AP3B2: variants seen among roughly 807,000 people sequenced by gnomAD.
The protein encoded by AP3B2 is adaptor related protein complex 3 subunit beta 2.
A neutral mutation model predicts 126.9 loss-of-function variants in AP3B2; 50 were observed. That is an observed-to-expected ratio of 0.39 (90% confidence interval 0.31 to 0.50). The LOEUF is 0.50. AP3B2 is among the 20% of genes least tolerant of loss of function. AP3B2 has a pLI of 0.79. For missense variants in AP3B2, 1,177 were observed against 1,426.4 expected (o/e 0.83, Z 2.82); for synonymous variants, 541 against 565.0 (o/e 0.96, Z 0.60).
intron 1 of AP3B2, among the ~76,000 whole-genome samples, chr15:82,699,052 C>T (rs1367804533): frequency 6.6e-6 from 1 of 152,194 alleles, no homozygotes; most frequent in Non-Finnish European, 1.5e-5. Context: ...TAAGGCACAA[C>T]ACCCTAAGGC....
intron 14 of AP3B2, among the ~76,000 whole-genome samples, chr15:82,672,474 G>C (rs2048174240): frequency 6.6e-6 from 1 of 152,094 alleles, no homozygotes; most frequent in South Asian, 2.1e-4. Context: ...AGGGTAGTGG[G>C]TGGGGGAAGT....
In AP3B2 at chr15:82,692,003, T is replaced by C; in HGVS notation, c.114-2550A>G. On this transcript the variant is annotated intron_variant, in intron 1 of 26. Coordinates refer to ENST00000535359, the MANE Select transcript of AP3B2 (RefSeq NM_001278512.2). ...GACATCCCCAACTTCTCGCATGTGA[T>C]CCTTCAGGTCCTGCCAGCTGCCTGA... 3 of 1,456,806 alleles carry C rather than the reference T, an allele frequency of 2.1e-6. No individual in the cohort carries two copies. In the African/African-American group the frequency reaches 4.2e-5, roughly 20 times the overall value. 90.2% of individuals were successfully genotyped at this position (1,456,806 alleles called of 1,614,324 possible). A position where few individuals can be genotyped will look rare whatever the true frequency, so the allele number is the denominator to read the frequency against.
Position 82,659,715 on chromosome 15 carries a change from G to A in AP3B2, c.3156-5C>T. On this transcript the variant is annotated splice_polypyrimidine_tract_variant and splice_region_variant and intron_variant, in intron 26 of 26. Transcript: ENST00000535359. The stretch of plus-strand genomic sequence containing the variant: ...GTCAGTGTCCTCCCTGCAAACCTGA[G>A]GTGGGAATAGAAGGGGTGAGGAAGA... The A allele has an allele frequency of 1.2e-6, 2 of 1,613,784 alleles. No individual in the cohort carries two copies. The highest frequency in any genetic ancestry group is 1.7e-6 in the Non-Finnish European group (2 of 1,179,782).
At chr15:82,688,917 C>A (rs1461306252) in intron 3 of AP3B2, 86 bp from the exon 4 acceptor site, 1 of 1,295,062 alleles carries the variant, frequency 7.7e-7, no homozygotes, top group Non-Finnish European at 1.1e-6. Context: ...ATCTCCCCAG[C>A]CAGCTGCGGT....
intron 1 of AP3B2, among the ~76,000 whole-genome samples, chr15:82,697,174 T>C (rs1039568313): frequency 6.6e-6 from 1 of 151,642 alleles, no homozygotes; most frequent in Non-Finnish European, 1.5e-5. Context: ...TACTAAAAAA[T>C]TTAAAAAAAA....
chr15:82,681,317 A>T lies in AP3B2; in HGVS notation c.521+103T>A. The T allele has an allele frequency of 6.4e-7, 1 of 1,550,882 alleles. No individual in the cohort carries two copies. Among genetic ancestry groups the T allele is most frequent in the African/African-American group, 1.4e-5 (1 of 73,906 alleles). ...GTCAGTCCCCCAAACTACCCTCCTC[A>T]AACCCTCTGAGAAGCAGCAGGCAAG... On this transcript the variant is annotated intron_variant, in intron 5 of 26. Coordinates refer to ENST00000535359, the MANE Select transcript of AP3B2 (RefSeq NM_001278512.2). This position sits in a 1 kb window ranked among gnomAD's most constrained non-coding sequence, Gnocchi z 4.0.
chr15:82,709,521 T>G, intron 1 of AP3B2, 73 bp downstream of exon 1: 1 of 1,147,414 alleles, frequency 8.7e-7, no homozygotes, highest in Non-Finnish European at 1.1e-6. Context: ...CCGGGCGCTG[T>G]CCATGGTGCC....
At chr15:82,663,527 C>G in intron 21 of AP3B2, 33 bp downstream of exon 21, 1 of 1,609,902 alleles carries the variant, frequency 6.2e-7, no homozygotes, top group East Asian at 2.2e-5. Context: ...CCCAGGCCTC[C>G]TTTCCCCTGT....
chr15:82,668,518 C>T (rs2048095699), intron 14 of AP3B2, among the ~76,000 whole-genome samples: 1 of 152,182 alleles, frequency 6.6e-6, no homozygotes, highest in African/African-American at 2.4e-5. Flanking sequence ...TGGCTGATCA[C>T]AGACTCCCTC....
At chr15:82,667,710 TA>T (rs1380267822) in intron 14 of AP3B2, among the ~76,000 whole-genome samples, 1 of 152,236 alleles carries the variant, frequency 6.6e-6, no homozygotes, top group Non-Finnish European at 1.5e-5. Context: ...CTAGCTCATC[TA>T]ATCTCCCCAA....
rs1172112301 is a variant in AP3B2, at chr15:82,680,791, C to T, written c.772-36G>A. 13 of 1,607,916 alleles carry T rather than the reference C, an allele frequency of 8.1e-6. No individual in the cohort carries two copies. The Admixed American group carries it at 8.4e-5, about 10-fold the overall frequency. On this transcript the variant is annotated intron_variant, in intron 7 of 26. Transcript: ENST00000535359. This position sits in a 1 kb window ranked among gnomAD's most constrained non-coding sequence, Gnocchi z 6.1. ...AGACCGACGGGTCTGTGGGCGCCTC[C>T]CCGGGACACACTTCGGCCCGCTCTG...
chr15:82,669,340 C>CA (rs2048110689), intron 14 of AP3B2, among the ~76,000 whole-genome samples: 1 of 152,070 alleles, frequency 6.6e-6, no homozygotes, highest in Non-Finnish European at 1.5e-5. Context: ...AGGATTCCAC[C>CA]AAAAAACTAT....
chr15:82,690,919 G>A (rs1408660921), intron 1 of AP3B2, among the ~76,000 whole-genome samples: 1 of 88,576 alleles, frequency 1.1e-5, no homozygotes, highest in Non-Finnish European at 2.8e-5. Flanking sequence ...GCCTCCCAAA[G>A]TGCTGGGATT....
In AP3B2 at chr15:82,676,614, G is replaced by A. The variant is rs1469044671; in HGVS notation, c.1512C>T (p.Ile504=). The A allele has an allele frequency of 6.2e-7, 1 of 1,613,860 alleles. No homozygotes were observed. The highest frequency in any genetic ancestry group is 1.3e-5 in the African/African-American group (1 of 74,928). ...CACAGTACTCTCCGATGAGCCACAGGATGCTGGCTCGGGCCATGGGCACCT... is the reference window on the plus strand; with the variant it reads ...CACAGTACTCTCCGATGAGCCACAGAATGCTGGCTCGGGCCATGGGCACCT... The part of the protein sequence containing the change: ...NIQVPMARAS[I]LWLIGEYCEH... The change falls in exon 14 of 27, where the codon ATC becomes ATT. Residue 504 remains isoleucine, a synonymous_variant. Transcript: ENST00000535359.
At position 82,663,209 on chromosome 15, in the gene AP3B2, A is replaced by G; in HGVS notation, c.2522T>C (p.Val841Ala). Residue 841 changes from valine (V) to alanine (A), a missense_variant, in exon 22 of 27, where the codon GTG becomes GCG. Val to Ala is a moderately conservative substitution (Grantham distance 64). This residue lies in a region of AP3B2 where 587 missense variants were observed against 571.3 expected (regional missense o/e 1.03). Transcript: ENST00000535359. ...EDFTPPSVQP[V>A]SPPAIVSTSL... is the part of the protein sequence containing the mutation. The stretch of plus-strand genomic sequence containing the variant: ...GGTAGACACAATTGCTGGGGGAGAC[A>G]CAGGCTGGACACTGGGAGGGGTGAC... 1.2e-6 allele frequency: 2 copies of G among 1,613,046 alleles called. No individual in the cohort carries two copies. Among genetic ancestry groups the G allele is most frequent in the Non-Finnish European group, 8.5e-7 (1 of 1,179,700 alleles).
At chr15:82,662,976 C>T in intron 22 of AP3B2, 54 bp from the exon 23 acceptor site, 1 of 1,568,300 alleles carries the variant, frequency 6.4e-7, no homozygotes, top group Middle Eastern at 2.2e-4. Context: ...GAGAGCCTGT[C>T]CCAGCATTGT....
At chr15:82,695,982 G>A (rs76985188) in intron 1 of AP3B2, among the ~76,000 whole-genome samples, 1,808 of 152,228 alleles carry the variant, frequency 0.012, 43 homozygotes, top group African/African-American at 0.04. Flanking sequence ...TCTGGTGAGC[G>A]GTGTGTATGA....
At chr15:82,691,982 TC>T in intron 1 of AP3B2, 2 of 1,445,772 alleles carry the variant, frequency 1.4e-6, no homozygotes, top group Non-Finnish European at 1.9e-6. Flanking sequence ...ATAACAGACA[TC>T]CCCAACTTCT....
intron 14 of AP3B2, among the ~76,000 whole-genome samples, chr15:82,668,556 G>A (rs941284062): frequency 6.6e-6 from 1 of 152,168 alleles, no homozygotes; most frequent in African/African-American, 2.4e-5. Context: ...GTTCTAGAAA[G>A]AACTGTTTGG....
Sources: allele counts gnomAD v4.1 joint callset (sites outside exome capture counted in the v4.1 genomes callset), GRCh38; gene constraint gnomAD v4.1.1; regional missense constraint gnomAD v4.1.1; non-coding constraint Gnocchi (gnomAD v3.1); transcripts MANE v1.5; gene names NCBI Gene and HGNC (gene_info 2026-07-23, HGNC 2026-07-21).